CYB5R4: variants seen among roughly 807,000 people sequenced by gnomAD.
CYB5R4 encodes the protein N-terminal cytochrome b5 and cytochrome b5 oxidoreductase domain-containing protein.
In CYB5R4, 55 loss-of-function variants were observed where a neutral mutation model predicts 70.2. The ratio of observed to expected loss-of-function variants is 0.78; its 90% CI spans 0.63 to 0.98. CYB5R4 has a LOEUF of 0.98. Among genes scored for constraint, CYB5R4 ranks in the 50% least tolerant of loss-of-function variants. CYB5R4 has a pLI of 0.00. For missense variants in CYB5R4, 562 were observed against 612.6 expected (o/e 0.92, Z 0.87); for synonymous variants, 197 against 199.5 (o/e 0.99, Z 0.11).
At chr6:83,949,946 A>G (rs1398028822) in intron 14 of CYB5R4, among the ~76,000 whole-genome samples, 4 of 152,162 alleles carry the variant, frequency 2.6e-5, no homozygotes, top group African/African-American at 9.7e-5. Context: ...TGTAGCAGAC[A>G]TTCATTCATT....
intron 7 of CYB5R4, among the ~76,000 whole-genome samples, chr6:83,920,202 A>G (rs1254452229): frequency 6.6e-6 from 1 of 152,180 alleles, no homozygotes; most frequent in Non-Finnish European, 1.5e-5. Flanking sequence ...TTTGAGGGAT[A>G]TGTAGATTTA....
chr6:83,859,768 G>C lies in CYB5R4; in HGVS notation c.-15G>C, dbSNP rs778740894. 6.2e-7 allele frequency: 1 copy of C among 1,612,088 alleles called. No individual in the cohort carries two copies. The highest frequency in any genetic ancestry group is 8.5e-7 in the Non-Finnish European group (1 of 1,179,370). On this transcript the variant is annotated 5_prime_UTR_variant, in exon 1 of 16. Transcript: ENST00000369681. ...GCGGCGATCCCCGGGCAGGGCCCGG[G>C]GCCGGGGTTTGAAGATGCTGAACGT...
chr6:83,913,691 G>A (rs1485894425), intron 4 of CYB5R4, among the ~76,000 whole-genome samples: 3 of 152,122 alleles, frequency 2.0e-5, no homozygotes, highest in Non-Finnish European at 4.4e-5. Context: ...ACAAGGTGAT[G>A]TCAGCTTAAG....
chr6:83,938,243 G>A (rs1440584629), intron 12 of CYB5R4, among the ~76,000 whole-genome samples: 1 of 152,194 alleles, frequency 6.6e-6, no homozygotes, highest in African/African-American at 2.4e-5. Context: ...AATAAAGTAA[G>A]TGGAAACTTA....
At chr6:83,863,712 A>G (rs1394003941) in intron 1 of CYB5R4, among the ~76,000 whole-genome samples, 5 of 152,248 alleles carry the variant, frequency 3.3e-5, no homozygotes, top group African/African-American at 1.2e-4. Flanking sequence ...ATTTGGGGAA[A>G]AAAATTAAAA....
intron 1 of CYB5R4, among the ~76,000 whole-genome samples, chr6:83,860,298 C>T (rs1244720237): frequency 6.6e-6 from 1 of 152,070 alleles, no homozygotes; most frequent in African/African-American, 2.4e-5. Context: ...TTGGCAGTGG[C>T]GACAGTGACC....
intron 2 of CYB5R4, among the ~76,000 whole-genome samples, chr6:83,864,612 T>C (rs530105595): frequency 2.0e-5 from 3 of 152,338 alleles, no homozygotes; most frequent in African/African-American, 7.2e-5. Context: ...CCAGGCAATA[T>C]AGTACAAAAT....
intron 12 of CYB5R4, 112 bp from the exon 13 acceptor site, chr6:83,939,944 C>T (rs1185231044): frequency 4.4e-6 from 3 of 678,230 alleles, no homozygotes; most frequent in East Asian, 5.1e-5. Flanking sequence ...TATACTGTTA[C>T]TCCTCAGTGT....
intron 11 of CYB5R4, among the ~76,000 whole-genome samples, chr6:83,935,355 T>C (rs1181078256): frequency 1.3e-5 from 2 of 152,306 alleles, no homozygotes; most frequent in African/African-American, 4.8e-5. Context: ...TCGTCTAAAA[T>C]GTTACCACCT....
At chr6:83,915,491 C>T (rs1469617017) in intron 5 of CYB5R4, among the ~76,000 whole-genome samples, 10 of 152,310 alleles carry the variant, frequency 6.6e-5, no homozygotes, top group South Asian at 2.1e-4. Flanking sequence ...TGTGGCACTA[C>T]AAAAGCAACC....
chr6:83,950,327 A>C (rs3778182), intron 14 of CYB5R4, among the ~76,000 whole-genome samples: 13,570 of 152,214 alleles, frequency 0.089, 925 homozygotes, highest in East Asian at 0.25. Context: ...GAGACAAAAC[A>C]TAAGGCAAAT....
intron 14 of CYB5R4, among the ~76,000 whole-genome samples, chr6:83,952,546 T>C (rs2099471710): frequency 6.6e-6 from 1 of 152,164 alleles, no homozygotes; most frequent in African/African-American, 2.4e-5. Flanking sequence ...CAGGATATTC[T>C]AGTGTTTTAA....
At chr6:83,882,980 G>A (rs575201242) in intron 2 of CYB5R4, among the ~76,000 whole-genome samples, 6 of 151,846 alleles carry the variant, frequency 4.0e-5, no homozygotes, top group Admixed American at 2.0e-4. Context: ...TCTCAAAAAA[G>A]CAAACAAACA....
At chr6:83,928,159 T>C (rs2099467624) in intron 10 of CYB5R4, among the ~76,000 whole-genome samples, 1 of 152,200 alleles carries the variant, frequency 6.6e-6, no homozygotes, top group Non-Finnish European at 1.5e-5. Context: ...TATTTCTTTT[T>C]AATTCACAAT....
chr6:83,902,960 A>T (rs1217824335), intron 3 of CYB5R4, among the ~76,000 whole-genome samples: 1 of 152,070 alleles, frequency 6.6e-6, no homozygotes, highest in African/African-American at 2.4e-5. Context: ...ACAAAATAGT[A>T]TTTGTTAAAA....
At chr6:83,938,391 G>A (rs1328799552) in intron 12 of CYB5R4, among the ~76,000 whole-genome samples, 1 of 152,164 alleles carries the variant, frequency 6.6e-6, no homozygotes, top group African/African-American at 2.4e-5. Flanking sequence ...GCTTGACATG[G>A]CACAAATATT....
chr6:83,940,404 G>C (rs992270300), intron 13 of CYB5R4, 111 bp from the exon 14 acceptor site: 9 of 1,120,282 alleles, frequency 8.0e-6, no homozygotes, highest in Admixed American at 3.3e-5. Context: ...ATGATTTTTA[G>C]TTACCTACTG....
Position 83,966,946 on chromosome 6 carries a change from A to T in CYB5R4, c.*7068A>T, listed in dbSNP as rs1237624461. 6.6e-6 allele frequency: 1 copy of T among 152,210 alleles called. No homozygotes were observed. Among genetic ancestry groups the T allele is most frequent in the Non-Finnish European group, 1.5e-5 (1 of 68,032 alleles). The allele number at this position is 152,210 out of a possible 1,614,324, so 9.4% of individuals were successfully genotyped here. ...ATTTTAGTAAAATTACTGAACCATG[A>T]AAAGTAAATGCCTTTAGTTATCTAA... is the stretch of plus-strand genomic sequence containing the variant. On this transcript the variant is annotated 3_prime_UTR_variant, in exon 16 of 16. Transcript: ENST00000369681.
chr6:83,909,183 C>G (rs560245198), intron 4 of CYB5R4, 93 bp downstream of exon 4: 26 of 998,098 alleles, frequency 2.6e-5, no homozygotes, highest in Non-Finnish European at 3.7e-5. Context: ...ATACAAATCA[C>G]TATGGTTTTG....
Sources: gnomAD v4.1 joint callset for allele counts (sites outside exome capture counted in the v4.1 genomes callset) on GRCh38, gnomAD v4.1.1 for gene constraint, MANE v1.5 for transcripts, NCBI Gene and HGNC (gene_info 2026-07-23, HGNC 2026-07-21) for gene names.